Variants in SLC24A2 observed in about 807,000 individuals in gnomAD.
SLC24A2 encodes solute carrier family 24 member 2.
SLC24A2 carries 36 observed loss-of-function variants against 62.0 expected under a neutral mutation model. The ratio of observed to expected loss-of-function variants is 0.58; its 90% CI spans 0.44 to 0.77. SLC24A2 has a LOEUF of 0.77. Ranked by LOEUF, SLC24A2 falls within the 30% of genes least tolerant of loss-of-function variation. SLC24A2 has a pLI of 0.00. For missense variants in SLC24A2, 846 were observed against 817.9 expected, an observed-to-expected ratio of 1.03 and a Z score of -0.42; for synonymous variants, 358 against 294.0, an observed-to-expected ratio of 1.22 and a Z score of -2.23.
chr9:19,913,373 T>G, the SLC24A2 span, among the ~76,000 whole-genome samples: 1 of 152,084 alleles, frequency 6.6e-6, no homozygotes, highest in Admixed American at 6.6e-5. Context: ...CCTCAGGCCA[T>G]AGCTGACTTG....
At chr9:20,293,647 G>C in the SLC24A2 span, among the ~76,000 whole-genome samples, 1 of 152,016 alleles carries the variant, frequency 6.6e-6, no homozygotes, top group Admixed American at 6.5e-5. Flanking sequence ...CACTGGGCGG[G>C]GTTTCTGCAC....
At chr9:19,523,532 G>A (rs929104922) in intron 9 of SLC24A2, among the ~76,000 whole-genome samples, 1 of 151,584 alleles carries the variant, frequency 6.6e-6, no homozygotes, top group African/African-American at 2.4e-5. Flanking sequence ...GTGTGATCTC[G>A]GCTCACTGAA....
the SLC24A2 span, among the ~76,000 whole-genome samples, chr9:19,816,909 G>A: frequency 9.2e-5 from 14 of 151,972 alleles, no homozygotes; most frequent in African/African-American, 3.4e-4. Context: ...TGAAATTTGG[G>A]TGAGGACAAA....
At chr9:19,710,541 T>C (rs1248676017) in intron 2 of SLC24A2, among the ~76,000 whole-genome samples, 1 of 152,058 alleles carries the variant, frequency 6.6e-6, no homozygotes, top group Non-Finnish European at 1.5e-5. Flanking sequence ...CAGGTTCAAA[T>C]ATGAGAAAGA....
chr9:19,631,896 T>C (rs1308523806), intron 2 of SLC24A2, among the ~76,000 whole-genome samples: 1 of 152,210 alleles, frequency 6.6e-6, no homozygotes, highest in East Asian at 1.9e-4. Flanking sequence ...CAATTGGACC[T>C]GTACTACTAA....
At chr9:19,793,134 TAAAG>T (rs1256040865), upstream of SLC24A2, among the ~76,000 whole-genome samples, 1 of 152,238 alleles carries the variant, frequency 6.6e-6, no homozygotes, top group Admixed American at 6.5e-5. Flanking sequence ...TACAGTTACT[TAAAG>T]GAAGGTGAGT....
At chr9:19,975,126 G>T in the SLC24A2 span, among the ~76,000 whole-genome samples, 1 of 152,270 alleles carries the variant, frequency 6.6e-6, no homozygotes. Flanking sequence ...GATCACCATG[G>T]TTGGTTTAGG....
At chr9:19,522,924 T>C (rs1833268229) in intron 9 of SLC24A2, among the ~76,000 whole-genome samples, 1 of 152,232 alleles carries the variant, frequency 6.6e-6, no homozygotes, top group Non-Finnish European at 1.5e-5. Flanking sequence ...TGCCAAAGAC[T>C]GAGCAGATGC....
chr9:19,767,814 G>A (rs1822565521), intron 2 of SLC24A2, among the ~76,000 whole-genome samples: 1 of 152,164 alleles, frequency 6.6e-6, no homozygotes, highest in Non-Finnish European at 1.5e-5. Context: ...CTTGATCTCT[G>A]TTTTAGTTCA....
At chr9:20,251,607 AT>A in the SLC24A2 span, among the ~76,000 whole-genome samples, 1 of 152,226 alleles carries the variant, frequency 6.6e-6, no homozygotes, top group African/African-American at 2.4e-5. Flanking sequence ...AGTATCAGGA[AT>A]TACGTAATAA....
chr9:19,644,785 A>T (rs117151629), intron 2 of SLC24A2, among the ~76,000 whole-genome samples: 54 of 152,296 alleles, frequency 3.5e-4, no homozygotes, highest in Non-Finnish European at 6.9e-4. Flanking sequence ...ACTTGTAAAT[A>T]TCAGAAAATA....
the SLC24A2 span, among the ~76,000 whole-genome samples, chr9:20,004,737 A>G: frequency 6.6e-6 from 1 of 152,216 alleles, no homozygotes. Context: ...AATTCAAAGA[A>G]TGAAGGATTA....
chr9:19,944,417 C>A, the SLC24A2 span, among the ~76,000 whole-genome samples: 1 of 147,830 alleles, frequency 6.8e-6, no homozygotes, highest in African/African-American at 2.5e-5. Context: ...CATATACCCC[C>A]TGAATCTAGA....
At chr9:19,874,041 C>T in the SLC24A2 span, among the ~76,000 whole-genome samples, 185 of 150,812 alleles carry the variant, frequency 1.2e-3, 1 homozygote, top group African/African-American at 4.1e-3. Context: ...TCTATAAACT[C>T]GTACATATGA....
At chr9:19,965,312 C>T in the SLC24A2 span, among the ~76,000 whole-genome samples, 1 of 152,074 alleles carries the variant, frequency 6.6e-6, no homozygotes, top group Non-Finnish European at 1.5e-5. Flanking sequence ...CTGGATGGCC[C>T]GGCTGTGTCC....
intron 2 of SLC24A2, among the ~76,000 whole-genome samples, chr9:19,742,912 C>G (rs1006721820): frequency 1.3e-5 from 2 of 152,146 alleles, no homozygotes; most frequent in Admixed American, 6.6e-5. Context: ...ATGGAACCAT[C>G]TTGTTTTGTT....
At chr9:19,785,326 T>C (rs1823130502) in intron 2 of SLC24A2, among the ~76,000 whole-genome samples, 1 of 152,202 alleles carries the variant, frequency 6.6e-6, no homozygotes, top group African/African-American at 2.4e-5. Flanking sequence ...CAGAGGCAGA[T>C]GGCAGGGCTG....
chr9:20,227,753 T>C, the SLC24A2 span, among the ~76,000 whole-genome samples: 3 of 152,212 alleles, frequency 2.0e-5, no homozygotes, highest in Non-Finnish European at 2.9e-5. Flanking sequence ...ATCTCTAATG[T>C]TATTGCCTAA....
chr9:20,289,944 G>A, the SLC24A2 span, among the ~76,000 whole-genome samples: 1 of 152,072 alleles, frequency 6.6e-6, no homozygotes, highest in Non-Finnish European at 1.5e-5. Flanking sequence ...TAAACACACA[G>A]CCACACACAC....
Sources: allele counts gnomAD v4.1 joint callset (sites outside exome capture counted in the v4.1 genomes callset), GRCh38; gene constraint gnomAD v4.1.1; transcripts MANE v1.5; gene names NCBI Gene and HGNC (gene_info 2026-07-23, HGNC 2026-07-21).